Variants in NINJ2 observed in about 807,000 individuals in gnomAD.
NINJ2 encodes ninjurin 2.
In NINJ2, 12 loss-of-function variants were observed where a neutral mutation model predicts 11.7. That is an observed-to-expected ratio of 1.02 (90% CI 0.66 to 1.66). The LOEUF (loss-of-function observed/expected upper bound fraction) is 1.66, where lower values mean the gene tolerates loss of function less well. Among genes scored for constraint, NINJ2 ranks in the 40% most tolerant of loss-of-function variants. NINJ2 has a pLI of 0.00. For missense variants in NINJ2, 187 were observed against 181.8 expected (o/e 1.03, Z -0.16); for synonymous variants, 93 against 76.8 (o/e 1.21, Z -1.10).
At chr12:627,418 A>T (rs1948221916) in intron 1 of NINJ2, among the ~76,000 whole-genome samples, 1 of 152,234 alleles carries the variant, frequency 6.6e-6, no homozygotes. Flanking sequence ...TGAATGAAAT[A>T]GAGAACTAGG....
chr12:658,076 G>A (rs1937897073), intron 1 of NINJ2, among the ~76,000 whole-genome samples: 1 of 137,680 alleles, frequency 7.3e-6, no homozygotes, highest in Admixed American at 8.4e-5. Flanking sequence ...TCAGCTGGCT[G>A]CAACCTCCGC....
chr12:610,452 C>A, intron 1 of NINJ2: 2 of 1,535,144 alleles, frequency 1.3e-6, no homozygotes, highest in Non-Finnish European at 1.7e-6. Context: ...ATGAGGTCAG[C>A]CTGGTGGCTG....
At chr12:586,192 A>G (rs1286846247) in intron 1 of NINJ2, 1 of 152,156 alleles carries the variant, frequency 6.6e-6, no homozygotes, top group East Asian at 1.9e-4. Flanking sequence ...CAAATGCAGG[A>G]CCCTTCTCAG....
chr12:642,348 A>G (rs61916675), intron 1 of NINJ2, among the ~76,000 whole-genome samples: 40,389 of 152,130 alleles, frequency 0.27, 5,921 homozygotes, highest in Middle Eastern at 0.39. Context: ...CTCCTGCCTC[A>G]GCCTCCAGGG....
Position 629,916 on chromosome 12 carries a change from T to TATATATATATATATAC in NINJ2, c.33+33411_33+33412insGTATATATATATATAT, listed in dbSNP as rs147102413. 8.8e-3 allele frequency among the ~76,000 whole-genome samples: 644 copies of TATATATATATATATAC among 72,886 alleles called. 18 individuals are homozygous for TATATATATATATATAC. The highest frequency in any genetic ancestry group is 0.015 in the Non-Finnish European group (494 of 33,436). The allele number at this position is 72,886 out of a possible 152,430, so 47.8% of individuals were successfully genotyped here. ...AAAAAAATATATATATATATATATA[T>TATATATATATATATAC]ATATATGAAGTTTCTTTGCGATTTT... is the stretch of plus-strand genomic sequence containing the variant. On this transcript the variant is annotated intron_variant, in intron 1 of 3. Coordinates refer to ENST00000305108, the MANE Select transcript of NINJ2 (RefSeq NM_016533.6).
At chr12:567,748 G>GT (rs1384651432) in intron 1 of NINJ2, among the ~76,000 whole-genome samples, 9 of 152,190 alleles carry the variant, frequency 5.9e-5, no homozygotes, top group Non-Finnish European at 1.0e-4. Flanking sequence ...GCTCATGCCC[G>GT]TAACTCCAGC....
chr12:637,969 C>T (rs1242634582), intron 1 of NINJ2, among the ~76,000 whole-genome samples: 1 of 152,226 alleles, frequency 6.6e-6, no homozygotes, highest in African/African-American at 2.4e-5. Context: ...GTTCTCATTC[C>T]AGCTCCTTCA....
intron 1 of NINJ2, among the ~76,000 whole-genome samples, chr12:568,404 C>T (rs1947330341): frequency 6.6e-6 from 1 of 152,198 alleles, no homozygotes; most frequent in Non-Finnish European, 1.5e-5. Context: ...ACGTCTCCAC[C>T]CTGCTCTTCT....
chr12:625,519 AAAAAGAAAGCAT>A (rs1948202686), intron 1 of NINJ2, among the ~76,000 whole-genome samples: 1 of 152,180 alleles, frequency 6.6e-6, no homozygotes, highest in Non-Finnish European at 1.5e-5. Flanking sequence ...TACGTTGAAG[AAAAAGAAAGCAT>A]TGGGTAGGGG....
At chr12:609,845 G>T (rs73596277) in intron 1 of NINJ2, among the ~76,000 whole-genome samples, 8,190 of 150,620 alleles carry the variant, frequency 0.054, 276 homozygotes, top group Non-Finnish European at 0.074. Flanking sequence ...AGGAGGCTCA[G>T]GCAGGAGGAT....
intron 1 of NINJ2, among the ~76,000 whole-genome samples, chr12:655,385 A>T (rs1398921125): frequency 2.0e-5 from 3 of 152,202 alleles, no homozygotes; most frequent in Non-Finnish European, 2.9e-5. Context: ...ACTGACCAAA[A>T]ATCTGCTGGA....
Position 580,083 on chromosome 12 carries a change from T to C in NINJ2, c.34-13905A>G, listed in dbSNP as rs201631499. ...ATCTAGATATGCTACCTATAAATAT[T>C]TTAGACTGGTCCCCATTGTTGAGGG... On this transcript the variant is annotated intron_variant, in intron 1 of 3. Transcript: ENST00000305108. This position sits in a 1 kb window ranked among gnomAD's most constrained non-coding sequence, Gnocchi z 4.7. Among the ~76,000 whole-genome samples, 57 of 152,264 alleles carry C rather than the reference T, an allele frequency of 3.7e-4. No individual in the cohort carries two copies. In the East Asian group the frequency reaches 9.3e-3, roughly 25 times the overall value.
intron 1 of NINJ2, among the ~76,000 whole-genome samples, chr12:624,757 C>T (rs566329429): frequency 1.6e-4 from 23 of 144,226 alleles, no homozygotes; most frequent in African/African-American, 5.2e-4. Context: ...TGCAGTGAGC[C>T]GAGATTGCGC....
At position 580,970 on chromosome 12, in the gene NINJ2, ATG is replaced by A. The variant is rs148384574; in HGVS notation, c.34-14794_34-14793del. On this transcript the variant is annotated intron_variant, in intron 1 of 3. Transcript: ENST00000305108. This position sits in a 1 kb window ranked among gnomAD's most constrained non-coding sequence, Gnocchi z 4.7. ...TGTGTATTCATGTGTGTTTGTGTGT[ATG>A]TGTGTGTCCATGTCTCTGTGCATAT... is the stretch of plus-strand genomic sequence containing the variant. 1.8e-4 allele frequency among the ~76,000 whole-genome samples: 25 copies of A among 140,048 alleles called. No homozygotes were observed. Among genetic ancestry groups the A allele is most frequent in the South Asian group, 4.6e-4 (2 of 4,346 alleles). 91.9% of individuals were successfully genotyped at this position (140,048 alleles called of 152,430 possible).
At chr12:621,857 C>G (rs9738599) in intron 1 of NINJ2, among the ~76,000 whole-genome samples, 89,887 of 148,908 alleles carry the variant, frequency 0.6, 27,373 homozygotes, top group East Asian at 0.79. Flanking sequence ...AGTGTGGCCA[C>G]GCACTGTGGC....
rs971660842 is a variant in NINJ2, at chr12:611,400, C to T, written c.34-45222G>A. Among the ~76,000 whole-genome samples the T allele has an allele frequency of 3.3e-5, 5 of 151,892 alleles. No homozygotes were observed. In the East Asian group the frequency reaches 5.8e-4, roughly 18 times the overall value. On this transcript the variant is annotated intron_variant, in intron 1 of 3. Transcript: ENST00000305108. ...TCACCCAGGCTGGAGTGCAGTGGCA[C>T]GATCTTGGCTCATTACAACCACCAC... is the stretch of plus-strand genomic sequence containing the variant.
chr12:575,649 C>T, intron 1 of NINJ2, among the ~76,000 whole-genome samples: 1 of 152,238 alleles, frequency 6.6e-6, no homozygotes, highest in East Asian at 1.9e-4. Context: ...CCATCTTCCA[C>T]AGGCCTGAGT....
intron 1 of NINJ2, among the ~76,000 whole-genome samples, chr12:599,637 C>T (rs1947839330): frequency 6.6e-6 from 1 of 152,130 alleles, no homozygotes; most frequent in Non-Finnish European, 1.5e-5. Context: ...AGGATGCCAC[C>T]CATGTTCGTG....
At chr12:648,388 A>G (rs1189018336) in intron 1 of NINJ2, among the ~76,000 whole-genome samples, 4 of 152,186 alleles carry the variant, frequency 2.6e-5, no homozygotes, top group East Asian at 1.9e-4. Flanking sequence ...TAACAAACAC[A>G]TATTTATTGA....
Sources: gnomAD v4.1 joint callset for allele counts (sites outside exome capture counted in the v4.1 genomes callset) on GRCh38, gnomAD v4.1.1 for gene constraint, Gnocchi (gnomAD v3.1) non-coding constraint, MANE v1.5 for transcripts, NCBI Gene and HGNC (gene_info 2026-07-23, HGNC 2026-07-21) for gene names.